ARAP1: variants seen among roughly 807,000 people sequenced by gnomAD.
ARAP1 encodes the protein arf-GAP with Rho-GAP domain, ANK repeat and PH domain-containing protein 1.
In ARAP1, 76 loss-of-function variants were observed where a neutral mutation model predicts 172.2. That is an observed-to-expected ratio of 0.44 (90% CI 0.37 to 0.53). ARAP1 has a LOEUF of 0.53. Ranked by LOEUF, ARAP1 falls within the 20% of genes least tolerant of loss-of-function variation. The pLI is 0.00. For synonymous variants in ARAP1, 804 were observed against 803.3 expected (o/e 1.00, Z -0.01); for missense variants, 1,686 against 1,977.5 (o/e 0.85, Z 2.80).
intron 2 of ARAP1, among the ~76,000 whole-genome samples, chr11:72,729,010 C>T (rs1336975743): frequency 1.9e-4 from 29 of 152,066 alleles, no homozygotes; most frequent in Admixed American, 1.9e-3. Context: ...TAGGAGTCAA[C>T]CTCACCACAT....
rs1856986774 is a variant in ARAP1, at chr11:72,710,981, C to CACA, written c.1213+39_1213+40insTGT. 6 of 1,612,722 alleles carry CACA rather than the reference C, an allele frequency of 3.7e-6. No homozygotes were observed. In the East Asian group the frequency reaches 1.3e-4, roughly 36 times the overall value. On this transcript the variant is annotated intron_variant, in intron 9 of 34. Transcript: ENST00000393609. This position sits in a 1 kb window ranked among gnomAD's most constrained non-coding sequence, Gnocchi z 4.3. ...CTGCCCAAACTTCCAGTCTTCTCTA[C>CACA]CCTCTTCTACACACACACACAACAC... is the stretch of plus-strand genomic sequence containing the variant.
At chr11:72,690,712 C>G (rs1855898920) in intron 30 of ARAP1, among the ~76,000 whole-genome samples, 1 of 152,200 alleles carries the variant, frequency 6.6e-6, no homozygotes, top group African/African-American at 2.4e-5. Context: ...GCTCATGTTT[C>G]CAGCATCTCC....
In ARAP1 at chr11:72,741,116, C is replaced by T. The variant is rs1433771258; in HGVS notation, c.-127-8519G>A. On this transcript the variant is annotated intron_variant, in intron 1 of 34. Transcript: ENST00000393609. This position sits in a 1 kb window ranked among gnomAD's most constrained non-coding sequence, Gnocchi z 4.5. Reference sequence around the variant, plus strand: ...CCCTAATGGGTCTGGGGACCCCTGCCGCTTCCCCCAACTCCTTCCTGTTTA... The same window carrying T: ...CCCTAATGGGTCTGGGGACCCCTGCTGCTTCCCCCAACTCCTTCCTGTTTA... Among the ~76,000 whole-genome samples the T allele has an allele frequency of 1.4e-5, 2 of 144,920 alleles. No homozygotes were observed. Among genetic ancestry groups the T allele is most frequent in the African/African-American group, 5.4e-5 (2 of 37,194 alleles).
intron 34 of ARAP1, 108 bp downstream of exon 34, chr11:72,685,934 G>A (rs777546962): frequency 3.4e-5 from 54 of 1,588,758 alleles, no homozygotes; most frequent in Non-Finnish European, 4.1e-5. Context: ...GGAGGGGGCC[G>A]GAGGGCAATC....
chr11:72,704,394 G>A (rs1856660183), intron 13 of ARAP1, 60 bp from the exon 14 acceptor site: 4 of 1,474,536 alleles, frequency 2.7e-6, no homozygotes, highest in Non-Finnish European at 3.6e-6. Context: ...GTGCCGGGCA[G>A]AAACTTGGTT....
At chr11:72,715,570 CTTTTTTTT>C (rs56115201) in intron 3 of ARAP1, among the ~76,000 whole-genome samples, 6 of 135,818 alleles carry the variant, frequency 4.4e-5, no homozygotes, top group Admixed American at 2.2e-4. Flanking sequence ...TTTTTAACTT[CTTTTTTTT>C]TTTTTTTTTT....
intron 3 of ARAP1, among the ~76,000 whole-genome samples, chr11:72,718,271 C>G (rs1452641553): frequency 6.6e-6 from 1 of 152,064 alleles, no homozygotes; most frequent in Non-Finnish European, 1.5e-5. Context: ...GGCAGTGACC[C>G]CCTACCGAGA....
chr11:72,689,913 G>T (rs900613), intron 30 of ARAP1, among the ~76,000 whole-genome samples: 71,877 of 151,992 alleles, frequency 0.47, 17,704 homozygotes, highest in Middle Eastern at 0.68. Context: ...GAAACCTGTA[G>T]GCACACACAG....
chr11:72,714,830 T>C (rs1857205365), intron 3 of ARAP1, among the ~76,000 whole-genome samples: 1 of 152,116 alleles, frequency 6.6e-6, no homozygotes, highest in South Asian at 2.1e-4. Flanking sequence ...TGCCCAGATT[T>C]GGATATTCAC....
intron 5 of ARAP1, 190 bp from the exon 6 acceptor site, chr11:72,712,758 A>G (rs1857085367): frequency 2.2e-6 from 2 of 908,950 alleles, no homozygotes; most frequent in Non-Finnish European, 3.3e-6. Flanking sequence ...GGGACAGGAG[A>G]GCCAGTGGCA....
intron 3 of ARAP1, among the ~76,000 whole-genome samples, chr11:72,722,822 G>A (rs1199312253): frequency 6.6e-6 from 1 of 152,178 alleles, no homozygotes; most frequent in African/African-American, 2.4e-5. Context: ...CATCAGAAAC[G>A]ACCCCTCTGC....
Position 72,695,383 on chromosome 11 carries a change from C to T in ARAP1, c.3576+4G>A. 1 of 1,614,192 alleles carries T rather than the reference C, an allele frequency of 6.2e-7. No homozygotes were observed. The highest frequency in any genetic ancestry group is 8.5e-7 in the Non-Finnish European group (1 of 1,180,034). On this transcript the variant is annotated splice_donor_region_variant and intron_variant, in intron 26 of 34. Coordinates refer to ENST00000393609, the MANE Select transcript of ARAP1 (RefSeq NM_001040118.3). This position sits in a 1 kb window ranked among gnomAD's most constrained non-coding sequence, Gnocchi z 4.4. ...CCCCTTGGCTTCTAGGTCCCAGCAC[C>T]TACCTTGATATGCTGCTCAGTCTCT... is the stretch of plus-strand genomic sequence containing the variant.
intron 33 of ARAP1, 173 bp downstream of exon 33, chr11:72,687,266 T>TA: frequency 2.5e-6 from 2 of 813,544 alleles, no homozygotes; most frequent in South Asian, 3.4e-5. Flanking sequence ...GGGGCTGGAC[T>TA]AACAGTAGGT....
chr11:72,731,195 T>A (rs1482726350), intron 2 of ARAP1, among the ~76,000 whole-genome samples: 1 of 152,190 alleles, frequency 6.6e-6, no homozygotes, highest in African/African-American at 2.4e-5. Context: ...TCACAGGGCC[T>A]GAAGTTCATG....
intron 30 of ARAP1, among the ~76,000 whole-genome samples, chr11:72,691,537 G>A (rs964018753): frequency 1.3e-5 from 2 of 152,160 alleles, no homozygotes; most frequent in Non-Finnish European, 2.9e-5. Context: ...GAGAAGAGAC[G>A]GTGTTTCCCA....
chr11:72,688,591 G>A (rs1056134809), intron 30 of ARAP1, 54 bp from the exon 31 acceptor site: 3 of 1,489,056 alleles, frequency 2.0e-6, no homozygotes, highest in Non-Finnish European at 2.8e-6. Flanking sequence ...GGGCACTGGG[G>A]CCGCTCTCCC....
chr11:72,751,887 A>G (rs1858542587), intron 1 of ARAP1, among the ~76,000 whole-genome samples: 1 of 152,138 alleles, frequency 6.6e-6, no homozygotes. Context: ...GCCATGCCCC[A>G]TTTACTGGTG....
intron 33 of ARAP1, among the ~76,000 whole-genome samples, chr11:72,686,703 C>G (rs1040588932): frequency 4.6e-5 from 7 of 152,208 alleles, no homozygotes; most frequent in African/African-American, 1.7e-4. Flanking sequence ...GAGTCATCCC[C>G]ACCATGTCCC....
intron 18 of ARAP1, 38 bp downstream of exon 18, chr11:72,698,967 C>T: frequency 6.2e-7 from 1 of 1,606,800 alleles, no homozygotes; most frequent in South Asian, 1.1e-5. Flanking sequence ...CTTCCCCAGT[C>T]AGACACCCTT....
Sources: allele counts gnomAD v4.1 joint callset (sites outside exome capture counted in the v4.1 genomes callset), GRCh38; gene constraint gnomAD v4.1.1; non-coding constraint Gnocchi (gnomAD v3.1); transcripts MANE v1.5; gene names NCBI Gene and HGNC (gene_info 2026-07-23, HGNC 2026-07-21).